The following HSD17B4 variants were observed in gnomAD, a reference collection of about 807,000 sequenced individuals.
HSD17B4 encodes hydroxysteroid 17-beta dehydrogenase 4.
In HSD17B4, 70 loss-of-function variants were observed where a neutral mutation model predicts 101.0. That is an observed-to-expected ratio of 0.69 (90% CI 0.57 to 0.85). The LOEUF (loss-of-function observed/expected upper bound fraction) is 0.85, where lower values mean the gene tolerates loss of function less well. HSD17B4 is among the 40% of genes least tolerant of loss of function. The probability of loss-of-function intolerance (pLI) is 0.00; values close to 1 mark genes in which losing one functional copy is unlikely to be tolerated. For synonymous variants in HSD17B4, 347 were observed against 297.1 expected (o/e 1.17, Z -1.73); for missense variants, 984 against 892.4 (o/e 1.10, Z -1.31).
At chr5:119,535,316 C>CA (rs1177809545) in intron 22 of HSD17B4, among the ~76,000 whole-genome samples, 1 of 150,870 alleles carries the variant, frequency 6.6e-6, no homozygotes. Flanking sequence ...TCCTTTATAG[C>CA]AAAACAATAA....
At chr5:119,524,315 A>G in intron 17 of HSD17B4, among the ~76,000 whole-genome samples, 1 of 152,252 alleles carries the variant, frequency 6.6e-6, no homozygotes, top group South Asian at 2.1e-4. Context: ...CTATAAATAA[A>G]ACTTGTTAAA....
chr5:119,454,071 C>T (rs1754352221), intron 1 of HSD17B4, among the ~76,000 whole-genome samples: 3 of 152,204 alleles, frequency 2.0e-5, no homozygotes, highest in Admixed American at 1.3e-4. Context: ...TACACCAGTA[C>T]TCAGTACACT....
intron 20 of HSD17B4, 119 bp from the exon 21 acceptor site, chr5:119,529,775 A>G (rs1753897244): frequency 1.5e-6 from 1 of 678,668 alleles, no homozygotes; most frequent in Non-Finnish European, 2.6e-6. Context: ...TATCTGGATT[A>G]TTATATTCTT....
intron 14 of HSD17B4, among the ~76,000 whole-genome samples, chr5:119,505,369 A>C (rs1160724372): frequency 1.3e-5 from 2 of 151,642 alleles, no homozygotes; most frequent in Non-Finnish European, 2.9e-5. Flanking sequence ...GATTCTTCCA[A>C]CCCATGAGTA....
chr5:119,474,485 C>T (rs745555620), intron 4 of HSD17B4, 25 bp downstream of exon 4: 2 of 1,454,470 alleles, frequency 1.4e-6, no homozygotes, highest in Non-Finnish European at 1.9e-6. Flanking sequence ...TGTTATGGCT[C>T]TTGTGGAGCA....
In HSD17B4 at chr5:119,452,506, C is replaced by G; in HGVS notation, c.-70C>G. 2 of 1,612,408 alleles carry G rather than the reference C, an allele frequency of 1.2e-6. No homozygotes were observed. The highest frequency in any genetic ancestry group is 1.9e-4 in the Middle Eastern group (1 of 5,144). ...TCGTCCCGCCCCCGCCATTCCCCGC[C>G]TCCTCCTGTCCCGCAGTCGGCGTCC... On this transcript the variant is annotated 5_prime_UTR_variant, in exon 1 of 24. Coordinates refer to ENST00000510025, the MANE Select transcript of HSD17B4 (RefSeq NM_000414.4).
intron 20 of HSD17B4, 148 bp from the exon 21 acceptor site, chr5:119,529,742 TTTAC>T: frequency 1.6e-6 from 1 of 607,342 alleles, no homozygotes; most frequent in Non-Finnish European, 2.9e-6. Flanking sequence ...CATCTTGACA[TTTAC>T]TTTAGCAGCC....
intron 11 of HSD17B4, among the ~76,000 whole-genome samples, chr5:119,494,926 A>AT (rs1419679583): frequency 6.6e-6 from 1 of 152,154 alleles, no homozygotes; most frequent in Non-Finnish European, 1.5e-5. Flanking sequence ...AATTTGAAGT[A>AT]TTTTTCTGAA....
At chr5:119,497,555 T>C (rs1261414482) in intron 12 of HSD17B4, among the ~76,000 whole-genome samples, 3 of 152,214 alleles carry the variant, frequency 2.0e-5, no homozygotes, top group Admixed American at 1.3e-4. Context: ...TTCTGGAGGT[T>C]ATATGCTCCC....
Position 119,489,181 on chromosome 5 carries a change from C to T in HSD17B4, c.623-11C>T. Reference sequence around the variant, plus strand: ...ATGATTGATAAGATATGTGTATATTCTTTATTTCAGATCTTGTGGAAGCCC... The same window carrying T: ...ATGATTGATAAGATATGTGTATATTTTTTATTTCAGATCTTGTGGAAGCCC... On this transcript the variant is annotated splice_polypyrimidine_tract_variant and intron_variant, in intron 8 of 23. Coordinates refer to ENST00000510025, the MANE Select transcript of HSD17B4 (RefSeq NM_000414.4). The T allele has an allele frequency of 6.4e-7, 1 of 1,560,282 alleles. No individual in the cohort carries two copies. Among genetic ancestry groups the T allele is most frequent in the Middle Eastern group, 1.7e-4 (1 of 5,956 alleles).
At chr5:119,492,986 C>CT (rs1214812227) in intron 10 of HSD17B4, 1 of 152,132 alleles carries the variant, frequency 6.6e-6, no homozygotes, top group Non-Finnish European at 1.5e-5. Context: ...GTCATTTTCT[C>CT]TAATTGTTAA....
intron 1 of HSD17B4, among the ~76,000 whole-genome samples, chr5:119,453,409 C>T (rs1424319725): frequency 2.6e-5 from 4 of 152,168 alleles, no homozygotes; most frequent in African/African-American, 7.2e-5. Flanking sequence ...GTGAAATAGC[C>T]CCATTTTTTA....
At chr5:119,458,620 T>C (rs958942286) in intron 2 of HSD17B4, among the ~76,000 whole-genome samples, 2 of 152,054 alleles carry the variant, frequency 1.3e-5, no homozygotes, top group African/African-American at 4.8e-5. Flanking sequence ...CGACATTTCA[T>C]TGGCCAAAGG....
chr5:119,509,412 C>A, intron 16 of HSD17B4, 168 bp downstream of exon 16: 1 of 699,384 alleles, frequency 1.4e-6, no homozygotes, highest in South Asian at 1.5e-5. Context: ...TCTTCCTCCT[C>A]CTCTTCCTCC....
chr5:119,536,039 A>T (rs1246734587), intron 22 of HSD17B4: 2 of 254,824 alleles, frequency 7.8e-6, no homozygotes, highest in Non-Finnish European at 1.5e-5. Context: ...CAGAGCTAAA[A>T]ATCAACAGTA....
chr5:119,523,198 G>A (rs553784282), intron 17 of HSD17B4, among the ~76,000 whole-genome samples: 5 of 151,922 alleles, frequency 3.3e-5, no homozygotes, highest in African/African-American at 1.2e-4. Context: ...TATTTATTTA[G>A]CATTTAGTTT....
rs1026521515 is a variant in HSD17B4, at chr5:119,474,421, A to G, written c.241A>G (p.Lys81Glu). 5.6e-6 allele frequency: 9 copies of G among 1,610,392 alleles called. No individual in the cohort carries two copies. The African/African-American group carries it at 1.1e-4, about 19-fold the overall frequency. The part of the protein sequence containing the change: ...ANYDSVEEGE[K>E]VVKTALDAFG... ...CTCAGATTCAGTGGAAGAAGGAGAG[A>G]AGGTTGTGAAGACAGCCCTGGATGC... The change falls in exon 4 of 24, where the codon AAG becomes GAG. Residue 81 changes from lysine to glutamate, a missense_variant. Transcript: ENST00000510025.
Position 119,536,521 on chromosome 5 carries a change from G to C in HSD17B4, c.2092G>C (p.Val698Leu), listed in dbSNP as rs778352791. ...ACTTTCAGATGAAGATTTCATGGAG[G>C]TGGTCCTGGGCAAGCTTGACCCTCA... Reference protein sequence around the residue: ...IILSDEDFMEVVLGKLDPQKA... With the variant: ...IILSDEDFMELVLGKLDPQKA... The change falls in exon 23 of 24, where the codon GTG (valine) becomes CTG (leucine). Residue 698 changes from valine to leucine, a missense_variant. Transcript: ENST00000510025. 6.2e-7 allele frequency: 1 copy of C among 1,612,090 alleles called. No individual in the cohort carries two copies. The highest frequency in any genetic ancestry group is 1.1e-5 in the South Asian group (1 of 91,044).
At chr5:119,452,714 C>T (rs1380817599) in intron 1 of HSD17B4, 81 bp downstream of exon 1, 1 of 1,606,642 alleles carries the variant, frequency 6.2e-7, no homozygotes, top group African/African-American at 1.3e-5. Context: ...ACGCGCGCAG[C>T]CGCAGCTGAG....
Sources: allele counts gnomAD v4.1 joint callset (sites outside exome capture counted in the v4.1 genomes callset), GRCh38; gene constraint gnomAD v4.1.1; transcripts MANE v1.5; gene names NCBI Gene and HGNC (gene_info 2026-07-23, HGNC 2026-07-21).